RDX: variants seen among roughly 807,000 people sequenced by gnomAD.
RDX encodes the protein radixin.
A neutral mutation model predicts 83.7 loss-of-function variants in RDX; 32 were observed. The ratio of observed to expected loss-of-function variants is 0.38; its 90% CI spans 0.29 to 0.51. RDX has a LOEUF of 0.51. RDX is among the 20% of genes least tolerant of loss of function. RDX has a pLI of 0.87. For synonymous variants in RDX, 229 were observed against 222.7 expected (o/e 1.03, Z -0.25); for missense variants, 600 against 689.9 (o/e 0.87, Z 1.46).
At chr11:110,258,991 C>T (rs1859679581) in intron 5 of RDX, among the ~76,000 whole-genome samples, 2 of 150,568 alleles carry the variant, frequency 1.3e-5, no homozygotes, top group African/African-American at 4.9e-5. Context: ...CCTGTCTCAA[C>T]CTCCCAAGTA....
intron 14 of RDX, among the ~76,000 whole-genome samples, chr11:110,211,851 T>C (rs1480332379): frequency 4.0e-5 from 6 of 150,698 alleles, no homozygotes; most frequent in Admixed American, 4.0e-4. Flanking sequence ...AGAGGGAAAT[T>C]TATAGCACTA....
At chr11:110,219,066 A>C (rs1265130204) in intron 14 of RDX, among the ~76,000 whole-genome samples, 1 of 152,208 alleles carries the variant, frequency 6.6e-6, no homozygotes, top group Non-Finnish European at 1.5e-5. Flanking sequence ...TACAGAGAAA[A>C]ATAAAGGCAA....
downstream of RDX, among the ~76,000 whole-genome samples, chr11:110,226,271 G>A (rs1864433470): frequency 6.6e-6 from 1 of 152,098 alleles, no homozygotes; most frequent in Admixed American, 6.6e-5. Flanking sequence ...TATGGTATAT[G>A]CATACAATGG....
At chr11:110,201,903 T>TTGTGTGTGTGTGTGTGTGTGTG (rs141731309) in intron 14 of RDX, among the ~76,000 whole-genome samples, 5 of 137,220 alleles carry the variant, frequency 3.6e-5, no homozygotes, top group Non-Finnish European at 6.3e-5. Flanking sequence ...CCGGCTAATT[T>TTGTGTGTGTGTGTGTGTGTGTG]TGTGTGTGTG....
At chr11:110,186,770 C>T (rs79623488) in intron 15 of RDX, among the ~76,000 whole-genome samples, 2,888 of 152,206 alleles carry the variant, frequency 0.019, 107 homozygotes, top group African/African-American at 0.063. Flanking sequence ...AGCTTGGACA[C>T]GGAAAAGTGG....
At chr11:110,276,074 C>G (rs1358674500) in intron 2 of RDX, among the ~76,000 whole-genome samples, 1 of 152,174 alleles carries the variant, frequency 6.6e-6, no homozygotes, top group Non-Finnish European at 1.5e-5. Context: ...GAATCAGTCA[C>G]TGCACCCAGC....
intron 14 of RDX, among the ~76,000 whole-genome samples, chr11:110,219,084 G>A (rs1864157459): frequency 6.6e-6 from 1 of 152,160 alleles, no homozygotes; most frequent in Non-Finnish European, 1.5e-5. Context: ...CAAGAAATGG[G>A]TACCAGATAC....
At chr11:110,221,887 T>A (rs1357324055) in intron 14 of RDX, among the ~76,000 whole-genome samples, 1 of 152,120 alleles carries the variant, frequency 6.6e-6, no homozygotes, top group East Asian at 1.9e-4. Context: ...AACTCCCCGA[T>A]TAACCACAAT....
intron 15 of RDX, among the ~76,000 whole-genome samples, chr11:110,193,302 T>C (rs888244677): frequency 6.6e-6 from 1 of 152,050 alleles, no homozygotes; most frequent in Non-Finnish European, 1.5e-5. Flanking sequence ...CACTTATAAG[T>C]GGGAGCTAAA....
chr11:110,224,586 T>C (rs554695584), downstream of RDX, among the ~76,000 whole-genome samples: 3 of 152,326 alleles, frequency 2.0e-5, no homozygotes, highest in African/African-American at 7.2e-5. Context: ...TGTTCTTGCA[T>C]GTCTTTAATT....
At chr11:110,270,828 G>C (rs1860276307) in intron 3 of RDX, among the ~76,000 whole-genome samples, 2 of 152,130 alleles carry the variant, frequency 1.3e-5, no homozygotes, top group African/African-American at 4.8e-5. Flanking sequence ...ATACCAAAGA[G>C]GATAACTTGC....
intron 2 of RDX, among the ~76,000 whole-genome samples, chr11:110,273,804 A>G (rs1446209464): frequency 6.6e-6 from 1 of 152,178 alleles, no homozygotes; most frequent in East Asian, 1.9e-4. Flanking sequence ...TCGATTTTCT[A>G]ACAATCTTTA....
intron 14 of RDX, among the ~76,000 whole-genome samples, chr11:110,209,164 T>C (rs1216367267): frequency 2.0e-5 from 3 of 152,120 alleles, no homozygotes; most frequent in Non-Finnish European, 4.4e-5. Context: ...GGCGAGGCAT[T>C]GCCTCACTTG....
intron 14 of RDX, among the ~76,000 whole-genome samples, chr11:110,216,702 G>C (rs1864067733): frequency 6.6e-6 from 1 of 151,418 alleles, no homozygotes; most frequent in Admixed American, 6.6e-5. Flanking sequence ...AATTTTTGTA[G>C]AGTTGAGATC....
chr11:110,225,394 A>C (rs770669771), downstream of RDX, among the ~76,000 whole-genome samples: 3 of 152,242 alleles, frequency 2.0e-5, no homozygotes, highest in Non-Finnish European at 4.4e-5. Flanking sequence ...TGAATCCCAA[A>C]TATAAAGAAT....
At chr11:110,275,490 T>C (rs915929807) in intron 2 of RDX, among the ~76,000 whole-genome samples, 1 of 152,206 alleles carries the variant, frequency 6.6e-6, no homozygotes, top group Admixed American at 6.5e-5. Context: ...TAATTTGTCA[T>C]AGACCAATGG....
At chr11:110,284,829 G>C (rs1860917102) in intron 1 of RDX, among the ~76,000 whole-genome samples, 1 of 151,972 alleles carries the variant, frequency 6.6e-6, no homozygotes, top group African/African-American at 2.4e-5. Context: ...GGCCAACACA[G>C]GTATTATTAA....
chr11:110,223,591 A>G (rs527404823), intron 14 of RDX, among the ~76,000 whole-genome samples: 2 of 152,302 alleles, frequency 1.3e-5, no homozygotes, highest in South Asian at 4.1e-4. Flanking sequence ...GATTCTATCA[A>G]AAGATTTTAT....
rs1342844929 is a variant in RDX, at chr11:110,257,859, T to G, written c.606A>C (p.Gly202=). ...TATTTTTTATTTCAAAATAGTTGAC[T>G]CCATACATTTCTAGATCTTGTGCAA... ...LKIAQDLEMY[G]VNYFEIKNKK... Residue 202 remains glycine (G), a synonymous_variant, in exon 7 of 14, where the codon GGA becomes GGC. Coordinates refer to ENST00000645495, the MANE Select transcript of RDX (RefSeq NM_002906.4). The G allele has an allele frequency of 6.2e-7, 1 of 1,612,282 alleles. No homozygotes were observed. The highest frequency in any genetic ancestry group is 8.5e-7 in the Non-Finnish European group (1 of 1,178,730).
Sources: gnomAD v4.1 joint callset for allele counts (sites outside exome capture counted in the v4.1 genomes callset) on GRCh38, gnomAD v4.1.1 for gene constraint, MANE v1.5 for transcripts, NCBI Gene and HGNC (gene_info 2026-07-23, HGNC 2026-07-21) for gene names.